BTBD9: variants seen among roughly 807,000 people sequenced by gnomAD.
The protein encoded by BTBD9 is BTB/POZ domain-containing protein 9.
A neutral mutation model predicts 64.3 loss-of-function variants in BTBD9; 49 were observed. The observed-to-expected ratio is 0.76, with a 90% confidence interval of 0.61 to 0.97. BTBD9 has a LOEUF of 0.97. Among genes scored for constraint, BTBD9 ranks in the 50% least tolerant of loss-of-function variants. BTBD9 has a pLI of 0.00. For synonymous variants in BTBD9, 260 were observed against 274.7 expected (o/e 0.95, Z 0.53); for missense variants, 598 against 762.1 (o/e 0.78, Z 2.53).
intron 2 of BTBD9, 24 bp from the exon 3 acceptor site, chr6:38,594,351 T>C: frequency 6.4e-7 from 1 of 1,555,368 alleles, no homozygotes; most frequent in Non-Finnish European, 8.7e-7. Flanking sequence ...AAGAAACACA[T>C]GAAGAAACCC....
At chr6:38,303,431 A>C (rs1241120531) in intron 7 of BTBD9, among the ~76,000 whole-genome samples, 1 of 152,128 alleles carries the variant, frequency 6.6e-6, no homozygotes, top group Non-Finnish European at 1.5e-5. Flanking sequence ...TGGTTTTTTA[A>C]AAGTTTCACA....
intron 6 of BTBD9, among the ~76,000 whole-genome samples, chr6:38,452,848 A>T (rs1769618841): frequency 6.6e-6 from 1 of 152,158 alleles, no homozygotes; most frequent in Admixed American, 6.5e-5. Context: ...AAATAAGAGT[A>T]AAAACACCAT....
At position 38,485,474 on chromosome 6, in the gene BTBD9, G is replaced by A. The variant is rs574992721; in HGVS notation, c.1154+92126C>T. Among the ~76,000 whole-genome samples, 66 of 152,332 alleles carry A rather than the reference G, an allele frequency of 4.3e-4. 1 individual carries two copies. Among genetic ancestry groups the A allele is most frequent in the African/African-American group, 1.4e-3 (58 of 41,572 alleles). ...GTTAACATGATTCCTTGATCCACGG[G>A]CTGCAGAATGGATGTTGTGTTAACA... is the stretch of plus-strand genomic sequence containing the variant. On this transcript the variant is annotated intron_variant, in intron 6 of 10. Coordinates refer to ENST00000481247, the MANE Select transcript of BTBD9 (RefSeq NM_001099272.2).
At chr6:38,260,241 G>A (rs992210193) in intron 8 of BTBD9, among the ~76,000 whole-genome samples, 3 of 152,152 alleles carry the variant, frequency 2.0e-5, no homozygotes, top group Non-Finnish European at 4.4e-5. Flanking sequence ...TGACACAGTA[G>A]AGTAAAACTA....
chr6:38,316,885 T>C (rs944515336), intron 7 of BTBD9, among the ~76,000 whole-genome samples: 2 of 152,238 alleles, frequency 1.3e-5, no homozygotes, highest in African/African-American at 4.8e-5. Context: ...CTAGTGTTGA[T>C]GAAATCCCTC....
At chr6:38,394,971 A>G (rs1478645557) in intron 6 of BTBD9, among the ~76,000 whole-genome samples, 1 of 151,772 alleles carries the variant, frequency 6.6e-6, no homozygotes, top group Non-Finnish European at 1.5e-5. Context: ...GAGGGGAAAA[A>G]AAAAAGAAAA....
In BTBD9 at chr6:38,184,861, G is replaced by A. The variant is rs1200838211; in HGVS notation, c.1641+7658C>T. ...AACGAGGGTGGCATGGGAGCCCAGA[G>A]CCACTCACTGGTCTGACCGAAGCCA... On this transcript the variant is annotated intron_variant, in intron 10 of 10. Coordinates refer to ENST00000481247, the MANE Select transcript of BTBD9 (RefSeq NM_001099272.2). The surrounding 1 kb of genome is among the most constrained non-coding windows in gnomAD (Gnocchi z 4.4). 6.6e-6 allele frequency among the ~76,000 whole-genome samples: 1 copy of A among 152,158 alleles called. No individual in the cohort carries two copies. The highest frequency in any genetic ancestry group is 2.4e-5 in the African/African-American group (1 of 41,446).
chr6:38,211,099 G>A (rs974304576), intron 9 of BTBD9, among the ~76,000 whole-genome samples: 9 of 152,200 alleles, frequency 5.9e-5, no homozygotes, highest in African/African-American at 2.2e-4. Context: ...CAAAGTTCAA[G>A]TCTCTGAGAA....
chr6:38,616,441 T>A (rs563982277), intron 1 of BTBD9, among the ~76,000 whole-genome samples: 2 of 151,876 alleles, frequency 1.3e-5, no homozygotes, highest in African/African-American at 4.8e-5. Context: ...TTCAGAGATA[T>A]ATAACCTACT....
rs549689845 is a variant in BTBD9 at position 38,343,453 on chromosome 6, T to C, written c.1264+1531A>G. ...GAAATGAGTAGCCAAATGCTACACA[T>C]CTTGTAAATAAGAAGGGTCTTGGTT... On this transcript the variant is annotated intron_variant, in intron 7 of 10. Coordinates refer to ENST00000481247, the MANE Select transcript of BTBD9 (RefSeq NM_001099272.2). Among the ~76,000 whole-genome samples, 3 of 152,234 alleles carry C rather than the reference T, an allele frequency of 2.0e-5. 1 individual carries two copies. The East Asian group carries it at 5.8e-4, about 29-fold the overall frequency.
intron 6 of BTBD9, among the ~76,000 whole-genome samples, chr6:38,433,079 T>C (rs185231487): frequency 6.6e-6 from 1 of 152,122 alleles, no homozygotes; most frequent in African/African-American, 2.4e-5. Context: ...CTCAGCCACA[T>C]CTTCAGCCTC....
chr6:38,179,098 A>G (rs897085828), intron 10 of BTBD9, among the ~76,000 whole-genome samples: 1 of 152,068 alleles, frequency 6.6e-6, no homozygotes, highest in Admixed American at 6.6e-5. Context: ...TGATCCGCCC[A>G]CCTCAGCCTC....
intron 9 of BTBD9, among the ~76,000 whole-genome samples, chr6:38,238,107 T>C (rs1264525573): frequency 1.3e-5 from 2 of 152,232 alleles, no homozygotes; most frequent in African/African-American, 4.8e-5. Context: ...GGACTTTGTC[T>C]CTTAAAAAAC....
intron 9 of BTBD9, among the ~76,000 whole-genome samples, 174 bp downstream of exon 9, chr6:38,256,235 A>G (rs1037548690): frequency 1.8e-4 from 28 of 152,144 alleles, no homozygotes; most frequent in Admixed American, 6.5e-5. Flanking sequence ...ACATCAAGTA[A>G]ATTTCATATA....
intron 6 of BTBD9, among the ~76,000 whole-genome samples, chr6:38,352,443 G>C (rs73422884): frequency 0.023 from 3,548 of 151,892 alleles, 130 homozygotes; most frequent in African/African-American, 0.081. Flanking sequence ...CAGAAGCCTT[G>C]ATCAGACATA....
chr6:38,482,440 C>T (rs1199254961), intron 6 of BTBD9: 2 of 150,812 alleles, frequency 1.3e-5, no homozygotes, highest in African/African-American at 2.5e-5. Flanking sequence ...TTTTAGCTAC[C>T]CCTCAATTCT....
intron 8 of BTBD9, among the ~76,000 whole-genome samples, chr6:38,270,883 T>C (rs1443374312): frequency 6.6e-6 from 1 of 152,186 alleles, no homozygotes; most frequent in African/African-American, 2.4e-5. Context: ...GTCCCAACTC[T>C]GACTCTGTCT....
intron 2 of BTBD9, among the ~76,000 whole-genome samples, chr6:38,597,078 C>T (rs1457340759): frequency 6.6e-6 from 1 of 152,124 alleles, no homozygotes; most frequent in African/African-American, 2.4e-5. Flanking sequence ...CATGAAAAAC[C>T]ATAGGAGCTC....
chr6:38,465,172 G>A (rs547138903), intron 6 of BTBD9, among the ~76,000 whole-genome samples: 1 of 152,154 alleles, frequency 6.6e-6, no homozygotes, highest in Admixed American at 6.5e-5. Flanking sequence ...GTGTGTGCCT[G>A]TAGTCCCAGC....
Sources: allele counts gnomAD v4.1 joint callset (sites outside exome capture counted in the v4.1 genomes callset), GRCh38; gene constraint gnomAD v4.1.1; non-coding constraint Gnocchi (gnomAD v3.1); transcripts MANE v1.5; gene names NCBI Gene and HGNC (gene_info 2026-07-23, HGNC 2026-07-21).